Variants in STIM1 observed in about 807,000 individuals in gnomAD.
The protein encoded by STIM1 is stromal interaction molecule 1.
In STIM1, 25 loss-of-function variants were observed where a neutral mutation model predicts 74.7. The ratio of observed to expected loss-of-function variants is 0.33; its 90% CI spans 0.24 to 0.47. The LOEUF (loss-of-function observed/expected upper bound fraction) is 0.47, where lower values mean the gene tolerates loss of function less well. Ranked by LOEUF, STIM1 falls within the 20% of genes least tolerant of loss-of-function variation. The pLI is 1.00. For synonymous variants in STIM1, 328 were observed against 348.8 expected (o/e 0.94, Z 0.66); for missense variants, 728 against 920.8 (o/e 0.79, Z 2.71).
intron 1 of STIM1, among the ~76,000 whole-genome samples, chr11:3,958,549 C>T (rs1232913427): frequency 6.6e-6 from 1 of 152,168 alleles, no homozygotes; most frequent in Non-Finnish European, 1.5e-5. Flanking sequence ...TGAGTTTTGC[C>T]TAGCCTAGGG....
rs1484341582 is a variant in STIM1 at position 4,082,811 on chromosome 11, G to C, written c.1138-71G>C. On this transcript the variant is annotated intron_variant, in intron 8 of 12. Coordinates refer to ENST00000526596, the MANE Select transcript of STIM1 (RefSeq NM_001382567.1). ...TAGGAGGAGTGGGCCCCAGCCATAG[G>C]GGAAGGCCTTTCTCATTTATTCCAT... The C allele has an allele frequency of 2.3e-6, 3 of 1,294,248 alleles. No individual in the cohort carries two copies. The Admixed American group carries it at 5.1e-5, about 22-fold the overall frequency. The allele number at this position is 1,294,248 out of a possible 1,614,324, so 80.2% of individuals were successfully genotyped here. A position where few individuals can be genotyped will look rare whatever the true frequency, so the allele number is the denominator to read the frequency against.
intron 1 of STIM1, among the ~76,000 whole-genome samples, chr11:3,915,546 C>T (rs1387463813): frequency 6.6e-6 from 1 of 151,840 alleles, no homozygotes; most frequent in Non-Finnish European, 1.5e-5. Context: ...TACAGGCGCC[C>T]ACCAACACGC....
intron 2 of STIM1, among the ~76,000 whole-genome samples, chr11:3,985,962 G>T (rs1385973649): frequency 6.6e-6 from 1 of 152,070 alleles, no homozygotes; most frequent in East Asian, 1.9e-4. Context: ...TCATTCTTGT[G>T]TTCTTCTCCT....
chr11:4,000,131 T>C (rs2093700054), intron 2 of STIM1, among the ~76,000 whole-genome samples: 1 of 151,788 alleles, frequency 6.6e-6, no homozygotes, highest in African/African-American at 2.4e-5. Context: ...CCTGCCTGCC[T>C]CTGTAGGCTC....
At chr11:4,033,007 T>C (rs2094064732) in intron 3 of STIM1, among the ~76,000 whole-genome samples, 1 of 152,212 alleles carries the variant, frequency 6.6e-6, no homozygotes, top group South Asian at 2.1e-4. Context: ...CGTTTAAGTC[T>C]TTAATCCATC....
intron 3 of STIM1, among the ~76,000 whole-genome samples, chr11:4,030,456 T>C (rs1015962777): frequency 6.6e-6 from 1 of 152,192 alleles, no homozygotes; most frequent in Non-Finnish European, 1.5e-5. Context: ...CAGATCCGTA[T>C]GAAAGAGCTG....
intron 1 of STIM1, among the ~76,000 whole-genome samples, chr11:3,877,148 A>G (rs1459445340): frequency 1.3e-5 from 2 of 152,156 alleles, no homozygotes; most frequent in Admixed American, 1.3e-4. Flanking sequence ...GCAAAGTGTG[A>G]TGGGAGTGCA....
At chr11:4,005,891 A>G (rs544247112) in intron 2 of STIM1, among the ~76,000 whole-genome samples, 1 of 152,238 alleles carries the variant, frequency 6.6e-6, no homozygotes, top group Non-Finnish European at 1.5e-5. Flanking sequence ...TGAAACGTAC[A>G]TGTCCTAGAA....
At chr11:3,998,363 A>G (rs371847780) in intron 2 of STIM1, among the ~76,000 whole-genome samples, 3 of 152,272 alleles carry the variant, frequency 2.0e-5, no homozygotes, top group East Asian at 3.9e-4. Flanking sequence ...TCCTGGCTAA[A>G]TATCTTTCTT....
rs561181614 is a variant in STIM1, at chr11:4,002,252, A to G, written c.271-21621A>G. The stretch of plus-strand genomic sequence containing the variant: ...CCAAGCGGACCTAATAGACATCTAC[A>G]GAACTCTCCACCCCAAATCAACAGA... On this transcript the variant is annotated intron_variant, in intron 2 of 12. Transcript: ENST00000526596. 9.9e-4 allele frequency among the ~76,000 whole-genome samples: 150 copies of G among 152,000 alleles called. 2 individuals are homozygous for G. The highest frequency in any genetic ancestry group is 3.5e-3 in the African/African-American group (143 of 41,446).
At chr11:3,874,231 TTGTC>T (rs1409473652) in intron 1 of STIM1, among the ~76,000 whole-genome samples, 4 of 152,204 alleles carry the variant, frequency 2.6e-5, no homozygotes, top group Admixed American at 2.6e-4. Context: ...TTCAGGTTGA[TTGTC>T]TGTTCTAGTA....
Position 4,073,558 on chromosome 11 carries a change from GCA to G in STIM1, c.792-941_792-940del, listed in dbSNP as rs1159957624. Reference sequence around the variant, plus strand: ...TTTATCGCCACGTATTTAGGGCTTAGCACAGGGCTTGGCACTTAGTAGGCACT... The same window carrying G: ...TTTATCGCCACGTATTTAGGGCTTAGCAGGGCTTGGCACTTAGTAGGCACT... On this transcript the variant is annotated intron_variant, in intron 6 of 12. Coordinates refer to ENST00000526596, the MANE Select transcript of STIM1 (RefSeq NM_001382567.1). Among the ~76,000 whole-genome samples, 23 of 152,326 alleles carry G rather than the reference GCA, an allele frequency of 1.5e-4. No homozygotes were observed. The South Asian group carries it at 4.1e-3, about 27-fold the overall frequency.
intron 1 of STIM1, among the ~76,000 whole-genome samples, chr11:3,895,670 CTTTCCTTCCTTCCTTCTTTCTTTCTTTCT>C (rs2092071156): frequency 9.3e-5 from 4 of 42,938 alleles, no homozygotes; most frequent in African/African-American, 4.6e-4. Flanking sequence ...TTCTTTCTTT[CTTTCCTTCCTTCCTTCTTTCTTTCTTTCT>C]TTCTTTCTTT....
chr11:3,892,884 C>T, intron 1 of STIM1: 2 of 1,545,710 alleles, frequency 1.3e-6, no homozygotes, highest in Non-Finnish European at 1.8e-6. Context: ...GTGGGGTTAA[C>T]CACGGCTGAT....
At chr11:4,021,422 G>A (rs1302198962) in intron 2 of STIM1, among the ~76,000 whole-genome samples, 1 of 152,150 alleles carries the variant, frequency 6.6e-6, no homozygotes, top group Non-Finnish European at 1.5e-5. Flanking sequence ...CACCGTGCCC[G>A]GCCCCCAGTA....
intron 1 of STIM1, among the ~76,000 whole-genome samples, chr11:3,924,313 C>T (rs937934430): frequency 6.6e-6 from 1 of 151,352 alleles, no homozygotes; most frequent in Admixed American, 6.6e-5. Context: ...ATTCTCCTGC[C>T]TCAGCCTTCC....
intron 3 of STIM1, among the ~76,000 whole-genome samples, chr11:4,035,528 G>A (rs2094092195): frequency 6.6e-6 from 1 of 151,200 alleles, no homozygotes; most frequent in Non-Finnish European, 1.5e-5. Flanking sequence ...GAAATGTTGT[G>A]CTTTTTTTTT....
intron 1 of STIM1, among the ~76,000 whole-genome samples, chr11:3,938,500 TTTAATGTTTCTAAACA>T (rs1224138850): frequency 6.6e-6 from 1 of 152,154 alleles, no homozygotes; most frequent in East Asian, 1.9e-4. Flanking sequence ...CCCAGAATGA[TTTAATGTTTCTAAACA>T]TTAAAAGGGA....
intron 2 of STIM1, among the ~76,000 whole-genome samples, chr11:3,986,177 A>G (rs2093556477): frequency 6.6e-6 from 1 of 152,220 alleles, no homozygotes; most frequent in African/African-American, 2.4e-5. Flanking sequence ...ATACATATTC[A>G]ATCCCCATAG....
Sources: gnomAD v4.1 joint callset for allele counts (sites outside exome capture counted in the v4.1 genomes callset) on GRCh38, gnomAD v4.1.1 for gene constraint, MANE v1.5 for transcripts, NCBI Gene and HGNC (gene_info 2026-07-23, HGNC 2026-07-21) for gene names.